The following PRKCA variants were observed in gnomAD, a reference collection of about 807,000 sequenced individuals.
PRKCA encodes the protein protein kinase C alpha, also known as protein kinase C alpha type.
A neutral mutation model predicts 87.0 loss-of-function variants in PRKCA; 27 were observed. That is an observed-to-expected ratio of 0.31 (90% CI 0.23 to 0.43). The LOEUF (loss-of-function observed/expected upper bound fraction) is 0.43, where lower values mean the gene tolerates loss of function less well. Among genes scored for constraint, PRKCA ranks in the 20% least tolerant of loss-of-function variants. PRKCA has a pLI of 1.00. For missense variants in PRKCA, 518 were observed against 852.3 expected (o/e 0.61, Z 4.88); for synonymous variants, 329 against 311.1 (o/e 1.06, Z -0.61).
At chr17:66,386,607 T>A (rs151337652) in intron 2 of PRKCA, among the ~76,000 whole-genome samples, 123 of 152,334 alleles carry the variant, frequency 8.1e-4, no homozygotes, top group Middle Eastern at 3.4e-3. Flanking sequence ...GATCATTAGC[T>A]CTGTATGGCT....
chr17:66,565,631 G>A (rs1450685460), intron 3 of PRKCA, among the ~76,000 whole-genome samples: 2 of 152,156 alleles, frequency 1.3e-5, no homozygotes, highest in Non-Finnish European at 2.9e-5. Context: ...TTTCTTCTCA[G>A]TCGCGGTGTT....
At chr17:66,490,587 T>G (rs1404551192) in intron 2 of PRKCA, among the ~76,000 whole-genome samples, 1 of 151,798 alleles carries the variant, frequency 6.6e-6, no homozygotes, top group Non-Finnish European at 1.5e-5. Flanking sequence ...TTCTTTTTGT[T>G]TTTTTTGAGA....
At chr17:66,449,310 A>C (rs1487751666) in intron 2 of PRKCA, among the ~76,000 whole-genome samples, 1 of 152,120 alleles carries the variant, frequency 6.6e-6, no homozygotes, top group African/African-American at 2.4e-5. Context: ...AAAACAAAAC[A>C]AAAGCAAAAA....
At chr17:66,362,571 C>T (rs942003921) in intron 2 of PRKCA, among the ~76,000 whole-genome samples, 23 of 152,134 alleles carry the variant, frequency 1.5e-4, no homozygotes, top group Non-Finnish European at 2.9e-4. Flanking sequence ...TTTTGTGTCT[C>T]ATGGGCCTGG....
chr17:66,519,617 A>T (rs951540910), intron 3 of PRKCA, among the ~76,000 whole-genome samples: 20 of 152,240 alleles, frequency 1.3e-4, no homozygotes, highest in African/African-American at 4.8e-4. Flanking sequence ...ATGATACAGG[A>T]TCTTGAAGCG....
intron 3 of PRKCA, among the ~76,000 whole-genome samples, chr17:66,500,349 T>C (rs1456312670): frequency 1.3e-5 from 2 of 152,208 alleles, no homozygotes; most frequent in Non-Finnish European, 2.9e-5. Context: ...GCAAATCTTA[T>C]GAAGGTACAA....
chr17:66,502,392 A>G (rs146524720), intron 3 of PRKCA, among the ~76,000 whole-genome samples: 4,396 of 151,358 alleles, frequency 0.029, 215 homozygotes, highest in African/African-American at 0.1. Context: ...GCACCACCAC[A>G]CTCGGCTAAT....
intron 2 of PRKCA, among the ~76,000 whole-genome samples, chr17:66,404,524 A>G (rs529146568): frequency 6.6e-6 from 1 of 152,242 alleles, no homozygotes; most frequent in African/African-American, 2.4e-5. Context: ...TACTGTTTAC[A>G]AGCCTCAGGA....
intron 2 of PRKCA, among the ~76,000 whole-genome samples, chr17:66,385,600 A>T (rs1910015831): frequency 6.6e-6 from 1 of 152,218 alleles, no homozygotes; most frequent in Admixed American, 6.5e-5. Context: ...GGTGGCTCAC[A>T]CATGGAATCC....
At chr17:66,701,344 C>G (rs1973057406) in intron 8 of PRKCA, among the ~76,000 whole-genome samples, 1 of 152,030 alleles carries the variant, frequency 6.6e-6, no homozygotes, top group African/African-American at 2.4e-5. Flanking sequence ...AACCATAGAA[C>G]TAGAAGAAAA....
At chr17:66,575,810 A>G (rs974360065) in intron 3 of PRKCA, among the ~76,000 whole-genome samples, 4 of 110,924 alleles carry the variant, frequency 3.6e-5, no homozygotes, top group East Asian at 2.7e-4. Context: ...TAGTGTTAGT[A>G]TTAGTACATA....
chr17:66,556,352 A>G (rs1968494568), intron 3 of PRKCA, among the ~76,000 whole-genome samples: 1 of 145,582 alleles, frequency 6.9e-6, no homozygotes, highest in Non-Finnish European at 1.5e-5. Context: ...GGTCAAGACA[A>G]TAGTCTTCAT....
rs960834481 is a variant in PRKCA, at chr17:66,792,969, A to G, written c.1854+3990A>G. 1.3e-5 allele frequency among the ~76,000 whole-genome samples: 2 copies of G among 152,210 alleles called. No homozygotes were observed. The highest frequency in any genetic ancestry group is 4.8e-5 in the African/African-American group (2 of 41,454). ...TGTCCCTAAAAAGCTACCATGTGCC[A>G]CCGTGAAGATGATGATTTTCTGGAA... On this transcript the variant is annotated intron_variant, in intron 16 of 16. Coordinates refer to ENST00000413366, the MANE Select transcript of PRKCA (RefSeq NM_002737.3). The surrounding 1 kb of genome is among the most constrained non-coding windows in gnomAD (Gnocchi z 4.5).
chr17:66,791,559 G>A (rs1250277394), intron 16 of PRKCA, among the ~76,000 whole-genome samples: 1 of 152,218 alleles, frequency 6.6e-6, no homozygotes, highest in Non-Finnish European at 1.5e-5. Context: ...TGGAAGGGCA[G>A]CGATGTGCCT....
intron 2 of PRKCA, among the ~76,000 whole-genome samples, chr17:66,422,883 G>A (rs1912566899): frequency 6.6e-6 from 1 of 152,280 alleles, no homozygotes; most frequent in East Asian, 1.9e-4. Flanking sequence ...GGCTGAGGCA[G>A]GTGGATCGCC....
chr17:66,775,336 A>G (rs1975023360), intron 14 of PRKCA: 13 of 985,178 alleles, frequency 1.3e-5, no homozygotes, highest in African/African-American at 1.7e-5. Context: ...AGCCGAGCAC[A>G]GATCAGTTAC....
chr17:66,587,317 A>C (rs1598795113), intron 3 of PRKCA, among the ~76,000 whole-genome samples: 1 of 152,308 alleles, frequency 6.6e-6, no homozygotes, highest in East Asian at 1.9e-4. Context: ...CTTTTTCAGC[A>C]TGTGCAAATC....
chr17:66,647,522 C>T (rs886261604), intron 5 of PRKCA, among the ~76,000 whole-genome samples: 32 of 152,198 alleles, frequency 2.1e-4, no homozygotes, highest in Non-Finnish European at 4.6e-4. Flanking sequence ...CGCCCCGTGC[C>T]GTCTTCTGTA....
At position 66,569,138 on chromosome 17, in the gene PRKCA, A is replaced by G. The variant is rs1236513377; in HGVS notation, c.289-72217A>G. Among the ~76,000 whole-genome samples the G allele has an allele frequency of 5.3e-5, 8 of 152,212 alleles. No homozygotes were observed. In the East Asian group the frequency reaches 1.3e-3, roughly 26 times the overall value. ...GGTACAAAATAATTTTGTAAACAGG[A>G]TCTAAATAGAACTAACCCTAAAGGA... On this transcript the variant is annotated intron_variant, in intron 3 of 16. Coordinates refer to ENST00000413366, the MANE Select transcript of PRKCA (RefSeq NM_002737.3).
Sources: gnomAD v4.1 joint callset for allele counts (sites outside exome capture counted in the v4.1 genomes callset) on GRCh38, gnomAD v4.1.1 for gene constraint, Gnocchi (gnomAD v3.1) non-coding constraint, MANE v1.5 for transcripts, NCBI Gene and HGNC (gene_info 2026-07-23, HGNC 2026-07-21) for gene names.